WEE1: variants seen among roughly 807,000 people sequenced by gnomAD.
The protein encoded by WEE1 is WEE1 G2 checkpoint kinase, also known as wee1-like protein kinase.
A neutral mutation model predicts 68.8 loss-of-function variants in WEE1; 16 were observed. That is an observed-to-expected ratio of 0.23 (90% CI 0.16 to 0.35). The LOEUF is 0.35. WEE1 is among the 10% of genes least tolerant of loss of function. WEE1 has a pLI of 1.00. For missense variants in WEE1, 651 were observed against 824.1 expected (o/e 0.79, Z 2.57); for synonymous variants, 349 against 318.7 (o/e 1.09, Z -1.01).
intron 6 of WEE1, among the ~76,000 whole-genome samples, chr11:9,583,122 G>T (rs930672619): frequency 4.6e-5 from 7 of 151,352 alleles, no homozygotes; most frequent in African/African-American, 9.7e-5. Flanking sequence ...AGACCAGCCT[G>T]GCCAATATGA....
Position 9,576,115 on chromosome 11 carries a change from T to C in WEE1, c.782+22T>C. 1 of 1,613,064 alleles carries C rather than the reference T, an allele frequency of 6.2e-7. No homozygotes were observed. Among genetic ancestry groups the C allele is most frequent in the Non-Finnish European group, 8.5e-7 (1 of 1,179,250 alleles). ...ATGAGTAAGTCGTTTATTTAACAGTTTGGTTCTCCAAATAACCTAAGATTG... is the reference window on the plus strand; with the variant it reads ...ATGAGTAAGTCGTTTATTTAACAGTCTGGTTCTCCAAATAACCTAAGATTG... On this transcript the variant is annotated intron_variant, in intron 2 of 10. Coordinates refer to ENST00000450114, the MANE Select transcript of WEE1 (RefSeq NM_003390.4). This position sits in a 1 kb window ranked among gnomAD's most constrained non-coding sequence, Gnocchi z 4.3.
At chr11:9,585,160 T>C in intron 6 of WEE1, 98 bp from the exon 7 acceptor site, 2 of 973,462 alleles carry the variant, frequency 2.1e-6, no homozygotes, top group Non-Finnish European at 3.2e-6. Flanking sequence ...AGAATCGGCA[T>C]TTTAAAAAGC....
intron 6 of WEE1, among the ~76,000 whole-genome samples, chr11:9,583,820 T>C (rs1178596148): frequency 3.2e-3 from 99 of 31,018 alleles, no homozygotes; most frequent in Non-Finnish European, 5.4e-3. Flanking sequence ...TATATATATA[T>C]ATATATATAT....
intron 10 of WEE1, among the ~76,000 whole-genome samples, chr11:9,588,065 A>G (rs1159335876): frequency 6.6e-6 from 1 of 152,014 alleles, no homozygotes; most frequent in African/African-American, 2.4e-5. Flanking sequence ...CCCAGGCTGG[A>G]GTGCAGTGGC....
At chr11:9,575,126 CTTGGCCCA>C in intron 1 of WEE1, 2 of 985,550 alleles carry the variant, frequency 2.0e-6, no homozygotes, top group Non-Finnish European at 2.4e-6. Context: ...TGGACAAGGT[CTTGGCCCA>C]GCATTTGTTT....
In WEE1 at chr11:9,574,130, G is replaced by A; in HGVS notation, c.197G>A (p.Arg66Gln). The change falls in exon 1 of 11, where the codon CGG becomes CAG. Residue 66 changes from arginine (R) to glutamine (Q), a missense_variant. Around this residue, in one of 5 missense-constraint regions of WEE1, gnomAD observed 395 missense variants for 378.4 expected, o/e 1.04. Coordinates refer to ENST00000450114, the MANE Select transcript of WEE1 (RefSeq NM_003390.4). This position sits in a 1 kb window ranked among gnomAD's most constrained non-coding sequence, Gnocchi z 4.9. ...CCCGACTCGCCGCTGCCGCCCGCGC[G>A]GAGCCCCACGGAGCCCGGGCCCGAG... ...QEPDSPLPPA[R>Q]SPTEPGPERR... 8.3e-7 allele frequency: 1 copy of A among 1,207,010 alleles called. No homozygotes were observed. Among genetic ancestry groups the A allele is most frequent in the Non-Finnish European group, 1.0e-6 (1 of 972,464 alleles). The allele number at this position is 1,207,010 out of a possible 1,614,324, so 74.8% of individuals were successfully genotyped here.
At chr11:9,581,739 T>C in intron 6 of WEE1, 61 bp downstream of exon 6, 9 of 1,479,784 alleles carry the variant, frequency 6.1e-6, no homozygotes, top group Non-Finnish European at 8.2e-6. Context: ...AATTACTTCA[T>C]TATGACAACA....
Position 9,581,797 on chromosome 11 carries a change from C to T in WEE1, c.1288+119C>T, listed in dbSNP as rs145505982. The T allele has an allele frequency of 4.2e-4, 421 of 1,005,964 alleles. No individual in the cohort carries two copies. In the African/African-American group the frequency reaches 6.6e-3, roughly 16 times the overall value. The allele number at this position is 1,005,964 out of a possible 1,614,324, so 62.3% of individuals were successfully genotyped here. On this transcript the variant is annotated intron_variant, in intron 6 of 10. Transcript: ENST00000450114. ...TTTTCTCATTGTTAGTTTTAAAAGG[C>T]CTTAGATCCACTTACCAATATTGTT...
chr11:9,583,769 A>T (rs1312738345), intron 6 of WEE1, among the ~76,000 whole-genome samples: 1 of 41,280 alleles, frequency 2.4e-5, no homozygotes, highest in African/African-American at 8.5e-5. Context: ...GCGCACACAC[A>T]CACACACACA....
At chr11:9,578,509 A>G (rs1423804006) in intron 5 of WEE1, 3 of 152,272 alleles carry the variant, frequency 2.0e-5, no homozygotes, top group African/African-American at 4.8e-5. Flanking sequence ...TTATGTAACT[A>G]TCACAACCTT....
At chr11:9,586,361 A>G (rs776862638) in intron 8 of WEE1, 88 bp from the exon 9 acceptor site, 70 of 1,264,434 alleles carry the variant, frequency 5.5e-5, no homozygotes, top group Admixed American at 1.2e-4. Context: ...ATTAAGTCCT[A>G]TTTTTCACCT....
At position 9,577,232 on chromosome 11, in the gene WEE1, T is replaced by C; in HGVS notation, c.1110T>C (p.Asp370=). Residue 370 remains aspartate (D), a synonymous_variant, in exon 5 of 11, where the codon GAT becomes GAC. Transcript: ENST00000450114. ...VRYFSAWAED[D]HMLIQNEYCN... Reference sequence around the variant, plus strand: ...ATTTCTCTGCGTGGGCAGAAGATGATCATATGCTTATACAGAATGAATATT... The same window carrying C: ...ATTTCTCTGCGTGGGCAGAAGATGACCATATGCTTATACAGAATGAATATT... The C allele has an allele frequency of 6.2e-7, 1 of 1,614,048 alleles. No homozygotes were observed. The highest frequency in any genetic ancestry group is 8.5e-7 in the Non-Finnish European group (1 of 1,179,922).
Position 9,576,684 on chromosome 11 carries a change from T to C in WEE1, c.1019+25T>C, listed in dbSNP as rs558725504. On this transcript the variant is annotated intron_variant, in intron 4 of 10. Coordinates refer to ENST00000450114, the MANE Select transcript of WEE1 (RefSeq NM_003390.4). This position sits in a 1 kb window ranked among gnomAD's most constrained non-coding sequence, Gnocchi z 4.3. ...AGTATGTATTAAACATTTTGTCTTT[T>C]GCTCTTTTGTCCCCTATGGTGTTAC... 1.8e-5 allele frequency: 28 copies of C among 1,599,090 alleles called. 1 individual carries two copies. The South Asian group carries it at 2.4e-4, about 14-fold the overall frequency.
chr11:9,587,180 T>G (rs989952954), intron 10 of WEE1, among the ~76,000 whole-genome samples: 1 of 152,138 alleles, frequency 6.6e-6, no homozygotes, highest in Admixed American at 6.6e-5. Context: ...AGGCTGGTCT[T>G]GAACTCCTGG....
chr11:9,583,757 G>GCACACA (rs1565089818), intron 6 of WEE1, among the ~76,000 whole-genome samples: 10 of 11,556 alleles, frequency 8.7e-4, no homozygotes, highest in East Asian at 2.4e-3. Flanking sequence ...GCGTGCACGC[G>GCACACA]CGCGCACACA....
Position 9,576,125 on chromosome 11 carries a change from A to G in WEE1, c.782+32A>G, listed in dbSNP as rs745790769. ...CGTTTATTTAACAGTTTGGTTCTCC[A>G]AATAACCTAAGATTGGTTTGGTATA... is the stretch of plus-strand genomic sequence containing the variant. On this transcript the variant is annotated intron_variant, in intron 2 of 10. Transcript: ENST00000450114. The surrounding 1 kb of genome is among the most constrained non-coding windows in gnomAD (Gnocchi z 4.3). 30 of 1,612,662 alleles carry G rather than the reference A, an allele frequency of 1.9e-5. No homozygotes were observed. The highest frequency in any genetic ancestry group is 1.3e-4 in the Admixed American group (8 of 59,916).
chr11:9,574,128 GCGGAGCCCCA>G lies in WEE1; in HGVS notation c.204_213del (p.Thr69GlyfsTer162). Reference sequence around the variant, plus strand: ...AGCCCGACTCGCCGCTGCCGCCCGCGCGGAGCCCCACGGAGCCCGGGCCCGAGCGCCGCCG... The same window carrying G: ...AGCCCGACTCGCCGCTGCCGCCCGCGCGGAGCCCGGGCCCGAGCGCCGCCG... On this transcript the variant is annotated frameshift_variant, in exon 1 of 11. Coordinates refer to ENST00000450114, the MANE Select transcript of WEE1 (RefSeq NM_003390.4). LOFTEE classifies it high-confidence loss of function. This position sits in a 1 kb window ranked among gnomAD's most constrained non-coding sequence, Gnocchi z 4.9. 1 of 1,211,798 alleles carries G rather than the reference GCGGAGCCCCA, an allele frequency of 8.3e-7. No homozygotes were observed. Among genetic ancestry groups the G allele is most frequent in the Non-Finnish European group, 1.0e-6 (1 of 975,530 alleles). 75.1% of individuals were successfully genotyped at this position (1,211,798 alleles called of 1,614,324 possible). A position where few individuals can be genotyped will look rare whatever the true frequency, so the allele number is the denominator to read the frequency against.
In WEE1 at chr11:9,585,455, T is replaced by C. The variant is rs1849690169; in HGVS notation, c.1398T>C (p.His466=). 10 of 1,606,560 alleles carry C rather than the reference T, an allele frequency of 6.2e-6. No homozygotes were observed. Among genetic ancestry groups the C allele is most frequent in the South Asian group, 1.1e-5 (1 of 89,058 alleles). Reference sequence around the variant, plus strand: ...CAATACTTCTAGGTGATCTTGGGCATGTAACAAGGATCTCCAGTCCACAAG... The same window carrying C: ...CAATACTTCTAGGTGATCTTGGGCACGTAACAAGGATCTCCAGTCCACAAG... The part of the protein sequence containing the change: ...KVMFKIGDLG[H]VTRISSPQVE... Residue 466 remains histidine (H), a synonymous_variant, in exon 8 of 11, where the codon CAT becomes CAC. Transcript: ENST00000450114.
chr11:9,581,590 A>G lies in WEE1; in HGVS notation c.1200A>G (p.Glu400=), dbSNP rs1849628989. The G allele has an allele frequency of 1.2e-6, 2 of 1,612,700 alleles. No individual in the cohort carries two copies. Among genetic ancestry groups the G allele is most frequent in the South Asian group, 2.2e-5 (2 of 91,000 alleles). Residue 400 remains glutamate (E), a synonymous_variant, in exon 6 of 11, where the codon GAA becomes GAG. Transcript: ENST00000450114. ...ENYRIMSYFK[E]AELKDLLLQV... is the part of the protein sequence containing the mutation. ...ACAGAATCATGAGTTACTTTAAAGA[A>G]GCAGAGTTGAAGGATCTCCTTTTGC... is the stretch of plus-strand genomic sequence containing the variant.
Sources: gnomAD v4.1 joint callset for allele counts (sites outside exome capture counted in the v4.1 genomes callset) on GRCh38, gnomAD v4.1.1 for gene constraint, gnomAD v4.1.1 regional missense constraint, Gnocchi (gnomAD v3.1) non-coding constraint, MANE v1.5 for transcripts, NCBI Gene and HGNC (gene_info 2026-07-23, HGNC 2026-07-21) for gene names.